The following BTNL2 variants were observed in gnomAD, a reference collection of about 807,000 sequenced individuals.
BTNL2 encodes the protein butyrophilin like 2.
In BTNL2, 46 loss-of-function variants were observed where a neutral mutation model predicts 46.8. That is an observed-to-expected ratio of 0.98 (90% CI 0.78 to 1.26). The LOEUF (loss-of-function observed/expected upper bound fraction) is 1.26. Among genes scored for constraint, BTNL2 ranks in the 50% most tolerant of loss-of-function variants. The pLI is 0.00. For synonymous variants in BTNL2, 226 were observed against 229.1 expected, an observed-to-expected ratio of 0.99 and a Z score of 0.12; for missense variants, 461 against 592.6, an observed-to-expected ratio of 0.78 and a Z score of 2.31.
At chr6:32,403,833 G>A (rs1344746997) in intron 2 of BTNL2, 1 of 152,402 alleles carries the variant, frequency 6.6e-6, no homozygotes. Flanking sequence ...AACAGTTTAT[G>A]AAATCATGAA....
intron 5 of BTNL2, 90 bp from the exon 6 acceptor site, chr6:32,395,115 G>C: frequency 7.3e-7 from 1 of 1,378,832 alleles, no homozygotes; most frequent in South Asian, 1.4e-5. Flanking sequence ...GGGATGTGGA[G>C]GGCTTGGGGA....
In BTNL2 at chr6:32,405,807, GT is replaced by G. The variant is rs56858224; in HGVS notation, c.80-522del. On this transcript the variant is annotated intron_variant, in intron 1 of 7. Transcript: ENST00000454136. ...TCCTCTTCTCTTAGATATAAAAACT[GT>G]TTTTTTTTTGTTTTTTTTTTGTTTG... Among the ~76,000 whole-genome samples, 1,016 of 127,870 alleles carry G rather than the reference GT, an allele frequency of 7.9e-3. 12 individuals carry two copies. The highest frequency in any genetic ancestry group is 0.026 in the African/African-American group (955 of 37,120). The allele number at this position is 127,870 out of a possible 152,430, so 83.9% of individuals were successfully genotyped here. A position where few individuals can be genotyped will look rare whatever the true frequency, so the allele number is the denominator to read the frequency against.
At chr6:32,402,174 G>A (rs61003922) in intron 3 of BTNL2, among the ~76,000 whole-genome samples, 3 of 152,004 alleles carry the variant, frequency 2.0e-5, no homozygotes, top group African/African-American at 7.3e-5. Context: ...GTAGAGAGAC[G>A]AATTATATGT....
Position 32,394,713 on chromosome 6 carries a change from C to T in BTNL2, c.1360+31G>A. 1.9e-6 allele frequency: 3 copies of T among 1,586,070 alleles called. No individual in the cohort carries two copies. Among genetic ancestry groups the T allele is most frequent in the African/African-American group, 1.3e-5 (1 of 74,226 alleles). Reference sequence around the variant, plus strand: ...TGAGTTGGTCTTCATATTTATTTTCCAAACCTGAAGGAACATAAGGAATCA... The same window carrying T: ...TGAGTTGGTCTTCATATTTATTTTCTAAACCTGAAGGAACATAAGGAATCA... On this transcript the variant is annotated intron_variant, in intron 6 of 7. Transcript: ENST00000454136. The surrounding 1 kb of genome is among the most constrained non-coding windows in gnomAD (Gnocchi z 4.6).
At chr6:32,397,615 C>T (rs1012768260) in intron 4 of BTNL2, among the ~76,000 whole-genome samples, 7 of 152,228 alleles carry the variant, frequency 4.6e-5, no homozygotes, top group African/African-American at 1.7e-4. Flanking sequence ...CTTAATGCCT[C>T]AGTTTCTTAA....
chr6:32,397,388 T>C (rs1051197234), intron 4 of BTNL2, among the ~76,000 whole-genome samples: 4 of 152,224 alleles, frequency 2.6e-5, no homozygotes, highest in Non-Finnish European at 5.9e-5. Context: ...TCACTTCTGT[T>C]TTCTGTACCT....
At chr6:32,400,746 A>AAAAATACAAAAG (rs1491381074) in intron 4 of BTNL2, among the ~76,000 whole-genome samples, 1 of 93,660 alleles carries the variant, frequency 1.1e-5, no homozygotes, top group Non-Finnish European at 2.2e-5. Context: ...CGTCTCTACT[A>AAAAATACAAAAG]AAAAAAAAAA....
At chr6:32,405,997 G>T in intron 1 of BTNL2, 1 of 153,064 alleles carries the variant, frequency 6.5e-6, no homozygotes, top group Non-Finnish European at 1.5e-5. Context: ...CTTGTTATCT[G>T]CAAATTGAAG....
chr6:32,398,835 G>T (rs1454075443), intron 4 of BTNL2, among the ~76,000 whole-genome samples: 2 of 152,142 alleles, frequency 1.3e-5, no homozygotes, highest in Admixed American at 1.3e-4. Flanking sequence ...AGTTTAAAGT[G>T]CTAAAAAAAT....
At chr6:32,400,747 A>AAAATACAAAAAAG (rs1227781670) in intron 4 of BTNL2, among the ~76,000 whole-genome samples, 1 of 128,356 alleles carries the variant, frequency 7.8e-6, no homozygotes, top group Non-Finnish European at 1.7e-5. Flanking sequence ...GTCTCTACTA[A>AAAATACAAAAAAG]AAAAAAAAAA....
rs776065967 is a variant in BTNL2 at position 32,405,005 on chromosome 6, G to T, written c.361C>A (p.Gln121Lys). ...IHNIQPSDNG[Q>K]YWCHFQDGNY... is the part of the protein sequence containing the mutation. ...CCATCCTGGAAATGGCACCAGTATTGTCCATTGTCGGAGGGCTGGATGTTG... is the reference window on the plus strand; with the variant it reads ...CCATCCTGGAAATGGCACCAGTATTTTCCATTGTCGGAGGGCTGGATGTTG... The change falls in exon 2 of 8, where the codon CAA becomes AAA. Residue 121 changes from glutamine to lysine, a missense_variant. Transcript: ENST00000454136. The T allele has an allele frequency of 2.5e-6, 4 of 1,613,086 alleles. No homozygotes were observed. In the East Asian group the frequency reaches 6.7e-5, roughly 27 times the overall value.
At chr6:32,406,862 T>C in intron 1 of BTNL2, 183 bp downstream of exon 1, 1 of 546,846 alleles carries the variant, frequency 1.8e-6, no homozygotes, top group Non-Finnish European at 3.3e-6. Context: ...TTTCCAAAGG[T>C]GACTCAGCTA....
intron 4 of BTNL2, among the ~76,000 whole-genome samples, chr6:32,400,760 A>AAAAAAAACAAAAC (rs1390075841): frequency 1.7e-5 from 2 of 115,836 alleles, no homozygotes; most frequent in Non-Finnish European, 3.8e-5. Context: ...AAAAAAAAAA[A>AAAAAAAACAAAAC]AAATTAGCTG....
At chr6:32,406,993 A>C in intron 1 of BTNL2, 52 bp downstream of exon 1, 1 of 1,540,770 alleles carries the variant, frequency 6.5e-7, no homozygotes, top group South Asian at 1.1e-5. Flanking sequence ...TTGGACCCAG[A>C]CTAGCTCACT....
chr6:32,397,971 T>C (rs117054202), intron 4 of BTNL2, among the ~76,000 whole-genome samples: 1,859 of 152,262 alleles, frequency 0.012, 68 homozygotes, highest in East Asian at 0.11. Context: ...ATTTTGAAAA[T>C]TAAAATTAAC....
intron 4 of BTNL2, among the ~76,000 whole-genome samples, chr6:32,400,919 A>AAAAT (rs1013486801): frequency 2.8e-5 from 4 of 140,648 alleles, no homozygotes; most frequent in Admixed American, 1.4e-4. Flanking sequence ...TCTCAAAAAA[A>AAAAT]AAAAAAATGC....
Position 32,395,542 on chromosome 6 carries a change from C to T in BTNL2, c.1078+497G>A, listed in dbSNP as rs116093225. 5.3e-3 allele frequency among the ~76,000 whole-genome samples: 810 copies of T among 152,328 alleles called. 9 individuals are homozygous for T. Among genetic ancestry groups the T allele is most frequent in the African/African-American group, 0.018 (765 of 41,566 alleles). On this transcript the variant is annotated intron_variant, in intron 5 of 7. Coordinates refer to ENST00000454136, the MANE Select transcript of BTNL2 (RefSeq NM_001304561.2). ...TATGTACTCAATGGCATCTGCTAAC[C>T]TTGGACGTTTCAATTCTCACACACA...
chr6:32,400,760 A>ACAAAAAAAAAAAAAAC (rs1554223850), intron 4 of BTNL2, among the ~76,000 whole-genome samples: 1 of 115,838 alleles, frequency 8.6e-6, no homozygotes, highest in African/African-American at 3.1e-5. Flanking sequence ...AAAAAAAAAA[A>ACAAAAAAAAAAAAAAC]AAATTAGCTG....
rs1776633527 is a variant in BTNL2 at position 32,399,626 on chromosome 6, G to C, written c.730+2159C>G. ...AAGGTAAACATCACCATTTCTTCCT[G>C]ATTTTTGGCAAACCATGTATGTCTC... is the stretch of plus-strand genomic sequence containing the variant. On this transcript the variant is annotated intron_variant, in intron 4 of 7. Transcript: ENST00000454136. The surrounding 1 kb of genome is among the most constrained non-coding windows in gnomAD (Gnocchi z 5.2). 6.6e-6 allele frequency among the ~76,000 whole-genome samples: 1 copy of C among 152,080 alleles called. No homozygotes were observed. The highest frequency in any genetic ancestry group is 1.5e-5 in the Non-Finnish European group (1 of 68,020).
Sources: gnomAD v4.1 joint callset for allele counts (sites outside exome capture counted in the v4.1 genomes callset) on GRCh38, gnomAD v4.1.1 for gene constraint, Gnocchi (gnomAD v3.1) non-coding constraint, MANE v1.5 for transcripts, NCBI Gene and HGNC (gene_info 2026-07-23, HGNC 2026-07-21) for gene names.